Variants in RBFOX1 observed in about 807,000 individuals in gnomAD.
RBFOX1 encodes the protein RNA binding fox-1 homolog 1, also known as RNA binding protein fox-1 homolog 1.
RBFOX1 carries 8 observed loss-of-function variants against 57.7 expected under a neutral mutation model. That is an observed-to-expected ratio of 0.14 (90% CI 0.08 to 0.25). RBFOX1 has a LOEUF of 0.25. RBFOX1 is among the 10% of genes least tolerant of loss of function. RBFOX1 has a pLI of 1.00. For synonymous variants in RBFOX1, 326 were observed against 222.4 expected, an observed-to-expected ratio of 1.47 and a Z score of -4.15; for missense variants, 611 against 548.5, an observed-to-expected ratio of 1.11 and a Z score of -1.14.
At chr16:5,557,544 C>G (rs1319498282) in intron 2 of RBFOX1, among the ~76,000 whole-genome samples, 1 of 152,138 alleles carries the variant, frequency 6.6e-6, no homozygotes, top group East Asian at 1.9e-4. Context: ...GCAGGGATCA[C>G]TCCAGGAAGG....
chr16:6,774,385 C>A (rs1014978552), intron 3 of RBFOX1, among the ~76,000 whole-genome samples: 1 of 152,156 alleles, frequency 6.6e-6, no homozygotes, highest in Non-Finnish European at 1.5e-5. Flanking sequence ...ACAAATTGAG[C>A]AATTGTGGTT....
intron 1 of RBFOX1, among the ~76,000 whole-genome samples, chr16:6,123,438 G>C (rs1450934915): frequency 6.6e-6 from 1 of 152,190 alleles, no homozygotes; most frequent in Non-Finnish European, 1.5e-5. Context: ...TACTTCTAGG[G>C]ATACTAAAGT....
chr16:7,161,316 C>T (rs1464315376), intron 4 of RBFOX1, among the ~76,000 whole-genome samples: 4 of 151,708 alleles, frequency 2.6e-5, no homozygotes, highest in South Asian at 2.1e-4. Context: ...ATTTGCTAAC[C>T]GTTTTAAATG....
chr16:5,417,738 C>T (rs1052674044), intron 1 of RBFOX1, among the ~76,000 whole-genome samples: 1 of 152,086 alleles, frequency 6.6e-6, no homozygotes, highest in Non-Finnish European at 1.5e-5. Context: ...ATGAATAGGT[C>T]CAGAGAGGTG....
At chr16:6,893,647 A>G (rs1046158074) in intron 3 of RBFOX1, among the ~76,000 whole-genome samples, 1 of 152,200 alleles carries the variant, frequency 6.6e-6, no homozygotes, top group Non-Finnish European at 1.5e-5. Context: ...TTCCTCCAAT[A>G]GAGCATTGGC....
intron 4 of RBFOX1, among the ~76,000 whole-genome samples, chr16:7,235,971 C>G (rs930013397): frequency 1.1e-4 from 17 of 152,280 alleles, no homozygotes; most frequent in Admixed American, 9.8e-4. Context: ...GGTGCATTTT[C>G]TGGCTTGCAC....
At chr16:6,827,023 C>G (rs183323357) in intron 3 of RBFOX1, among the ~76,000 whole-genome samples, 88 of 152,200 alleles carry the variant, frequency 5.8e-4, no homozygotes, top group African/African-American at 1.7e-3. Context: ...ACTTTTTAGT[C>G]TGGGGAGAAA....
chr16:5,906,939 G>A (rs2058473496), intron 4 of RBFOX1, among the ~76,000 whole-genome samples: 1 of 151,836 alleles, frequency 6.6e-6, no homozygotes. Flanking sequence ...GTTTCAACAT[G>A]TTGGTCAGGC....
At chr16:5,328,768 C>A (rs899190114) in intron 1 of RBFOX1, among the ~76,000 whole-genome samples, 2 of 152,200 alleles carry the variant, frequency 1.3e-5, no homozygotes, top group African/African-American at 4.8e-5. Context: ...CCATCCGATT[C>A]AAGCTCAGCC....
chr16:7,254,154 G>C (rs1296181930), intron 4 of RBFOX1, among the ~76,000 whole-genome samples: 2 of 152,102 alleles, frequency 1.3e-5, no homozygotes, highest in Non-Finnish European at 2.9e-5. Context: ...TTGTCAATGA[G>C]AAGACCAATG....
chr16:6,852,178 A>C (rs1029048569), intron 3 of RBFOX1, among the ~76,000 whole-genome samples: 9 of 152,110 alleles, frequency 5.9e-5, no homozygotes, highest in African/African-American at 1.2e-4. Flanking sequence ...CTGGCCTGCA[A>C]CCAAGGTTTT....
At chr16:6,885,335 G>T (rs189302495) in intron 3 of RBFOX1, among the ~76,000 whole-genome samples, 1 of 152,142 alleles carries the variant, frequency 6.6e-6, no homozygotes, top group African/African-American at 2.4e-5. Context: ...TCTAGGGTTT[G>T]GGTGTCTCTG....
rs904863948 is a variant in RBFOX1 at position 6,438,640 on chromosome 16, C to G, written c.-64+121583C>G. Among the ~76,000 whole-genome samples the G allele has an allele frequency of 3.3e-5, 5 of 152,234 alleles. No homozygotes were observed. In the East Asian group the frequency reaches 7.7e-4, roughly 24 times the overall value. ...TCTAGCTATAACTTATTTGAACCCT[C>G]TGAGTTGGGGTTGGCGTTGTTTGGT... On this transcript the variant is annotated intron_variant, in intron 2 of 15. Transcript: ENST00000550418.
intron 4 of RBFOX1, among the ~76,000 whole-genome samples, chr16:7,304,785 G>T (rs1347240784): frequency 6.6e-6 from 1 of 152,140 alleles, no homozygotes; most frequent in Non-Finnish European, 1.5e-5. Flanking sequence ...AGTGCCTTTC[G>T]TGGTGATCTG....
At chr16:6,131,678 AC>A (rs1297556838) in intron 1 of RBFOX1, among the ~76,000 whole-genome samples, 1 of 152,220 alleles carries the variant, frequency 6.6e-6, no homozygotes, top group Admixed American at 6.5e-5. Flanking sequence ...AAGGTATTTT[AC>A]TGACTAATCT....
chr16:7,218,209 A>G (rs926109311), intron 4 of RBFOX1, among the ~76,000 whole-genome samples: 1 of 152,232 alleles, frequency 6.6e-6, no homozygotes, highest in African/African-American at 2.4e-5. Context: ...TTTAAACCTT[A>G]TGTCTTATTT....
At chr16:6,311,842 C>T (rs2080354177) in intron 1 of RBFOX1, among the ~76,000 whole-genome samples, 1 of 152,150 alleles carries the variant, frequency 6.6e-6, no homozygotes, top group African/African-American at 2.4e-5. Flanking sequence ...CTTCTCCCAT[C>T]CCAGGTGTGA....
At chr16:6,663,984 G>GGAA (rs2098716912) in intron 3 of RBFOX1, among the ~76,000 whole-genome samples, 2 of 152,154 alleles carry the variant, frequency 1.3e-5, no homozygotes, top group South Asian at 4.1e-4. Flanking sequence ...CTTTTGACCA[G>GGAA]GAAGAGTATT....
chr16:7,025,454 C>A (rs1016596155), intron 3 of RBFOX1, among the ~76,000 whole-genome samples: 1 of 152,132 alleles, frequency 6.6e-6, no homozygotes, highest in African/African-American at 2.4e-5. Context: ...GAATGCCTAA[C>A]CTTCTGGGAA....
Sources: allele counts gnomAD v4.1 joint callset (sites outside exome capture counted in the v4.1 genomes callset), GRCh38; gene constraint gnomAD v4.1.1; transcripts MANE v1.5; gene names NCBI Gene and HGNC (gene_info 2026-07-23, HGNC 2026-07-21).